The following CDKAL1 variants were observed in gnomAD, a reference collection of about 807,000 sequenced individuals.
CDKAL1 encodes the protein threonylcarbamoyladenosine tRNA methylthiotransferase.
Under a neutral mutation model 68.2 loss-of-function variants are expected in CDKAL1, and 32 were observed. That is an observed-to-expected ratio of 0.47 (90% CI 0.35 to 0.63). The LOEUF (loss-of-function observed/expected upper bound fraction) is 0.63. Ranked by LOEUF, CDKAL1 falls within the 30% of genes least tolerant of loss-of-function variation. CDKAL1 has a pLI of 0.00. For synonymous variants in CDKAL1, 234 were observed against 244.3 expected (o/e 0.96, Z 0.39); for missense variants, 606 against 696.7 (o/e 0.87, Z 1.47).
rs1041893259 is a variant in CDKAL1, at chr6:21,092,654, A to G, written c.1237-15747A>G. Among the ~76,000 whole-genome samples the G allele has an allele frequency of 4.6e-5, 7 of 152,102 alleles. 1 individual carries two copies. The highest frequency in any genetic ancestry group is 3.3e-4 in the Admixed American group (5 of 15,266). ...CCTAACTAACACAAAGGACAGGACC[A>G]AAGCAAACAGAATAGGAATGGAGTG... On this transcript the variant is annotated intron_variant, in intron 12 of 15. Coordinates refer to ENST00000274695, the MANE Select transcript of CDKAL1 (RefSeq NM_017774.3).
chr6:20,632,891 C>T (rs1405813455), intron 4 of CDKAL1, among the ~76,000 whole-genome samples: 1 of 152,102 alleles, frequency 6.6e-6, no homozygotes, highest in African/African-American at 2.4e-5. Context: ...GTAGAGAAAG[C>T]TTCCTGGGGG....
chr6:20,556,096 C>A (rs1011471304), intron 4 of CDKAL1, among the ~76,000 whole-genome samples: 4 of 151,848 alleles, frequency 2.6e-5, no homozygotes, highest in African/African-American at 4.8e-5. Context: ...CGGGTGCGAT[C>A]GCTGTCGCCT....
chr6:20,617,094 G>A lies in CDKAL1; in HGVS notation c.287-32199G>A, dbSNP rs113142665. 6.1e-3 allele frequency among the ~76,000 whole-genome samples: 922 copies of A among 152,086 alleles called. 4 individuals carry two copies. Among genetic ancestry groups the A allele is most frequent in the Non-Finnish European group, 9.7e-3 (659 of 67,994 alleles). ...AAATTAAAGAGAAAAACCACGGGGG[G>A]CTTAATAGTTGATGTCTGTGCTTTT... On this transcript the variant is annotated intron_variant, in intron 4 of 15. Transcript: ENST00000274695.
intron 8 of CDKAL1, among the ~76,000 whole-genome samples, chr6:20,789,937 A>C (rs1326950210): frequency 6.6e-6 from 1 of 152,194 alleles, no homozygotes; most frequent in East Asian, 1.9e-4. Context: ...CTGCAAATGA[A>C]TGTTGATTTG....
At chr6:21,185,727 G>A (rs1349265218) in intron 13 of CDKAL1, among the ~76,000 whole-genome samples, 3 of 152,140 alleles carry the variant, frequency 2.0e-5, no homozygotes, top group Non-Finnish European at 4.4e-5. Context: ...TTAAGTCTGA[G>A]ACAGTGAAGT....
intron 4 of CDKAL1, among the ~76,000 whole-genome samples, chr6:20,562,879 C>T (rs1230182715): frequency 2.0e-5 from 3 of 152,102 alleles, no homozygotes; most frequent in Non-Finnish European, 4.4e-5. Flanking sequence ...AGAGGTAAGG[C>T]CTAATGGGTG....
chr6:20,839,057 A>G (rs1778072749), intron 8 of CDKAL1, among the ~76,000 whole-genome samples: 2 of 151,818 alleles, frequency 1.3e-5, no homozygotes, highest in South Asian at 4.2e-4. Flanking sequence ...GTCAATTGAC[A>G]TATTAGCTGA....
intron 4 of CDKAL1, among the ~76,000 whole-genome samples, chr6:20,555,684 G>A (rs1238455985): frequency 4.2e-5 from 6 of 141,906 alleles, no homozygotes; most frequent in African/African-American, 1.3e-4. Flanking sequence ...GTGCAGTGGC[G>A]CTATCTTAGC....
At chr6:21,151,172 A>T (rs1208996213) in intron 13 of CDKAL1, among the ~76,000 whole-genome samples, 1 of 152,202 alleles carries the variant, frequency 6.6e-6, no homozygotes, top group Non-Finnish European at 1.5e-5. Flanking sequence ...TGGGGGAGAA[A>T]TGTGACATTT....
At chr6:20,764,241 C>T (rs57087943) in intron 7 of CDKAL1, among the ~76,000 whole-genome samples, 17,347 of 152,104 alleles carry the variant, frequency 0.11, 1,208 homozygotes, top group East Asian at 0.34. Flanking sequence ...TTTTACCTAT[C>T]GACATTAGAA....
At chr6:20,804,825 A>G (rs1054180387) in intron 8 of CDKAL1, among the ~76,000 whole-genome samples, 7 of 152,050 alleles carry the variant, frequency 4.6e-5, no homozygotes, top group Non-Finnish European at 1.0e-4. Context: ...AAGCTGATAA[A>G]AGCATTTTTC....
chr6:20,697,342 T>C (rs1249617471), intron 5 of CDKAL1, among the ~76,000 whole-genome samples: 1 of 152,296 alleles, frequency 6.6e-6, no homozygotes. Flanking sequence ...GGTGAGATGT[T>C]TGAAATGTCA....
At chr6:20,894,400 T>C (rs1444360853) in intron 9 of CDKAL1, among the ~76,000 whole-genome samples, 1 of 151,374 alleles carries the variant, frequency 6.6e-6, no homozygotes, top group Non-Finnish European at 1.5e-5. Flanking sequence ...ACTTTTTTTT[T>C]TTTTTTTTTT....
intron 7 of CDKAL1, among the ~76,000 whole-genome samples, chr6:20,777,724 A>T (rs953416964): frequency 6.6e-6 from 1 of 152,188 alleles, no homozygotes; most frequent in Non-Finnish European, 1.5e-5. Flanking sequence ...ATACATTCCA[A>T]GATCCCCAGT....
intron 4 of CDKAL1, among the ~76,000 whole-genome samples, chr6:20,627,686 T>C (rs1290186312): frequency 3.3e-5 from 5 of 152,206 alleles, no homozygotes; most frequent in Non-Finnish European, 7.4e-5. Context: ...AGAATTGATA[T>C]CTTTACTATG....
intron 9 of CDKAL1, among the ~76,000 whole-genome samples, chr6:20,950,226 G>A (rs1764456548): frequency 6.6e-6 from 1 of 152,158 alleles, no homozygotes; most frequent in South Asian, 2.1e-4. Context: ...CTGGGTTCAA[G>A]TGATTCTCCT....
intron 12 of CDKAL1, among the ~76,000 whole-genome samples, chr6:21,066,479 G>A (rs9460592): frequency 0.62 from 93,845 of 152,078 alleles, 29,188 homozygotes; most frequent in Admixed American, 0.71. Context: ...CTTACATACA[G>A]CAAAATTCAC....
At chr6:20,653,203 A>G (rs894423134) in intron 5 of CDKAL1, among the ~76,000 whole-genome samples, 45 of 152,150 alleles carry the variant, frequency 3.0e-4, no homozygotes, top group African/African-American at 1.1e-3. Flanking sequence ...TCCGGTGCAC[A>G]TGTGTAAGAA....
intron 9 of CDKAL1, among the ~76,000 whole-genome samples, chr6:20,860,736 A>G (rs1387694213): frequency 6.6e-6 from 1 of 151,950 alleles, no homozygotes; most frequent in Non-Finnish European, 1.5e-5. Flanking sequence ...AGGCAGGAGA[A>G]TTGCTTGAAC....
Sources: gnomAD v4.1 joint callset for allele counts (sites outside exome capture counted in the v4.1 genomes callset) on GRCh38, gnomAD v4.1.1 for gene constraint, MANE v1.5 for transcripts, NCBI Gene and HGNC (gene_info 2026-07-23, HGNC 2026-07-21) for gene names.